HECTD4: variants seen among roughly 807,000 people sequenced by gnomAD.
The protein encoded by HECTD4 is HECT domain E3 ubiquitin protein ligase 4, also known as probable E3 ubiquitin-protein ligase HECTD4.
In HECTD4, 114 loss-of-function variants were observed where a neutral mutation model predicts 471.5. The observed-to-expected ratio is 0.24, with a 90% CI of 0.21 to 0.28. HECTD4 has a LOEUF of 0.28. HECTD4 is among the 10% of genes least tolerant of loss of function. The probability of loss-of-function intolerance (pLI) is 1.00; values close to 1 mark genes in which losing one functional copy is unlikely to be tolerated. For missense variants in HECTD4, 3,866 were observed against 5,651.5 expected (o/e 0.68, Z 10.13); for synonymous variants, 2,012 against 2,256.0 (o/e 0.89, Z 3.07).
chr12:112,309,703 A>G (rs936726383), intron 4 of HECTD4, 34 bp from the exon 5 acceptor site: 1 of 993,312 alleles, frequency 1.0e-6, no homozygotes, highest in Non-Finnish European at 1.5e-6. Flanking sequence ...AATTATATAT[A>G]TGTTTTTTCT....
chr12:112,199,686 C>T (rs1294129579), intron 55 of HECTD4, among the ~76,000 whole-genome samples: 1 of 152,198 alleles, frequency 6.6e-6, no homozygotes, highest in East Asian at 1.9e-4. Context: ...TTTCAGCCCA[C>T]TGAGGGCAGG....
Position 112,162,764 on chromosome 12 carries a change from G to A in HECTD4, c.13121-241C>T. ...GATGGGTTTGTCTGCCCAGCAAATT[G>A]TTTCTTTTTTTTTTTTTTTAACCAT... On this transcript the variant is annotated intron_variant, in intron 75 of 75. Coordinates refer to ENST00000682272, the MANE Select transcript of HECTD4 (RefSeq NM_001388303.1). This position sits in a 1 kb window ranked among gnomAD's most constrained non-coding sequence, Gnocchi z 5.2. 4 of 524,616 alleles carry A rather than the reference G, an allele frequency of 7.6e-6. No homozygotes were observed. Among genetic ancestry groups the A allele is most frequent in the Non-Finnish European group, 1.3e-5 (4 of 301,356 alleles). The allele number at this position is 524,616 out of a possible 1,614,324, so 32.5% of individuals were successfully genotyped here. A position where few individuals can be genotyped will look rare whatever the true frequency, so the allele number is the denominator to read the frequency against.
intron 55 of HECTD4, among the ~76,000 whole-genome samples, chr12:112,199,024 G>T (rs1036746045): frequency 2.0e-5 from 3 of 152,178 alleles, no homozygotes; most frequent in African/African-American, 4.8e-5. Context: ...AGCCATGCCT[G>T]TGGAGTATTC....
At chr12:112,380,350 C>T (rs1288111402) in intron 1 of HECTD4, among the ~76,000 whole-genome samples, 2 of 151,920 alleles carry the variant, frequency 1.3e-5, no homozygotes, top group Admixed American at 6.6e-5. Context: ...GAGGCAGAGG[C>T]AGGAGAATCG....
At chr12:112,260,649 T>TC (rs1398428405) in intron 18 of HECTD4, among the ~76,000 whole-genome samples, 2 of 151,526 alleles carry the variant, frequency 1.3e-5, no homozygotes, top group Non-Finnish European at 2.9e-5. Flanking sequence ...TGATCTCGGC[T>TC]CACTGCAAGC....
At chr12:112,322,345 T>C (rs1268324111) in intron 1 of HECTD4, 1 of 151,760 alleles carries the variant, frequency 6.6e-6, no homozygotes, top group Non-Finnish European at 1.5e-5. Context: ...CACTCCAGCC[T>C]GGGTGACAGG....
rs1339912817 is a variant in HECTD4, at chr12:112,167,522, G to A, written c.12329C>T (p.Thr4110Ile). The A allele has an allele frequency of 1.3e-6, 2 of 1,599,544 alleles. No individual in the cohort carries two copies. Among genetic ancestry groups the A allele is most frequent in the Non-Finnish European group, 1.7e-6 (2 of 1,171,356 alleles). Residue 4110 changes from threonine to isoleucine, a missense_variant, in exon 72 of 76, where the codon ACC (threonine) becomes ATC (isoleucine). Coordinates refer to ENST00000682272, the MANE Select transcript of HECTD4 (RefSeq NM_001388303.1). ...CTCCCCGTAGGTGATGGGGCTCGGG[G>A]TCAGGATATACTTGCCCTGGAAGTG... ...VNKNKGKYILTPSPITYGEEQ... is the reference protein window; with the variant it reads ...VNKNKGKYILIPSPITYGEEQ...
At chr12:112,209,235 T>A (rs1313398209) in intron 50 of HECTD4, among the ~76,000 whole-genome samples, 2 of 152,106 alleles carry the variant, frequency 1.3e-5, no homozygotes, top group East Asian at 1.9e-4. Flanking sequence ...CAAACTAGTA[T>A]CCAATGGGCC....
At chr12:112,234,809 A>G (rs2033462561) in intron 37 of HECTD4, among the ~76,000 whole-genome samples, 1 of 152,180 alleles carries the variant, frequency 6.6e-6, no homozygotes, top group South Asian at 2.1e-4. Context: ...CATCGTCCAC[A>G]TGGCTTTAGC....
At chr12:112,171,010 A>G (rs1470414013) in intron 68 of HECTD4, 107 bp downstream of exon 68, 19 of 928,656 alleles carry the variant, frequency 2.0e-5, no homozygotes, top group Non-Finnish European at 2.5e-5. Context: ...GTGGGGTGGC[A>G]TCTTCCTGGC....
At chr12:112,197,245 G>C (rs2032274406) in intron 55 of HECTD4, among the ~76,000 whole-genome samples, 1 of 152,118 alleles carries the variant, frequency 6.6e-6, no homozygotes, top group African/African-American at 2.4e-5. Context: ...TGCAGCCCTG[G>C]TTTGGACACT....
rs1254169109 is a variant in HECTD4 at position 112,213,704 on chromosome 12, A to ATC, written c.7466-1055_7466-1054insGA. Among the ~76,000 whole-genome samples, 3 of 145,354 alleles carry ATC rather than the reference A, an allele frequency of 2.1e-5. No individual in the cohort carries two copies. The highest frequency in any genetic ancestry group is 7.5e-5 in the African/African-American group (3 of 39,762). ...CCGTCTCAAAAAAATATATACATAT[A>ATC]TATATATATATATATAATATATATA... On this transcript the variant is annotated intron_variant, in intron 48 of 75. Coordinates refer to ENST00000682272, the MANE Select transcript of HECTD4 (RefSeq NM_001388303.1). This position sits in a 1 kb window ranked among gnomAD's most constrained non-coding sequence, Gnocchi z 4.0.
Position 112,274,993 on chromosome 12 carries a change from C to T in HECTD4, c.1688-33G>A, listed in dbSNP as rs547678580. On this transcript the variant is annotated intron_variant, in intron 9 of 75. Coordinates refer to ENST00000682272, the MANE Select transcript of HECTD4 (RefSeq NM_001388303.1). Reference sequence around the variant, plus strand: ...AACAAACATTAAGCTGTTTAATGAGCCTGAAGATTATTTTTAAAGTTTAAA... The same window carrying T: ...AACAAACATTAAGCTGTTTAATGAGTCTGAAGATTATTTTTAAAGTTTAAA... 1.0e-3 allele frequency: 1,245 copies of T among 1,220,444 alleles called. 27 individuals carry two copies. The South Asian group carries it at 0.016, about 16-fold the overall frequency. 75.6% of individuals were successfully genotyped at this position (1,220,444 alleles called of 1,614,324 possible). A position where few individuals can be genotyped will look rare whatever the true frequency, so the allele number is the denominator to read the frequency against.
At chr12:112,175,881 G>A (rs1293122484) in intron 65 of HECTD4, 22 bp from the exon 66 acceptor site, 2 of 1,612,096 alleles carry the variant, frequency 1.2e-6, no homozygotes, top group Non-Finnish European at 1.7e-6. Context: ...GGTTCAGTGT[G>A]AGGAATCTGG....
In HECTD4 at chr12:112,244,975, A is replaced by C. The variant is rs536107645; in HGVS notation, c.4514-966T>G. ...ATGTTGAGAAAGTGCAGGAAAAAAAACATTTTGTTTTATTTTTCTAAAATT... is the reference window on the plus strand; with the variant it reads ...ATGTTGAGAAAGTGCAGGAAAAAAACCATTTTGTTTTATTTTTCTAAAATT... On this transcript the variant is annotated intron_variant, in intron 29 of 75. Transcript: ENST00000682272. Among the ~76,000 whole-genome samples, 19 of 152,268 alleles carry C rather than the reference A, an allele frequency of 1.2e-4. No individual in the cohort carries two copies. The South Asian group carries it at 2.7e-3, about 22-fold the overall frequency.
Position 112,193,718 on chromosome 12 carries a change from C to T in HECTD4, c.8750-44G>A, listed in dbSNP as rs760464350. On this transcript the variant is annotated intron_variant, in intron 56 of 75. Coordinates refer to ENST00000682272, the MANE Select transcript of HECTD4 (RefSeq NM_001388303.1). The surrounding 1 kb of genome is among the most constrained non-coding windows in gnomAD (Gnocchi z 5.2). ...CAGAAGTTGACAAGAATCAAAGCAG[C>T]CAGTAGCTGTGAGAGTCTAAGTAAC... The T allele has an allele frequency of 9.7e-6, 15 of 1,544,330 alleles. No individual in the cohort carries two copies. The East Asian group carries it at 3.3e-4, about 34-fold the overall frequency.
intron 70 of HECTD4, among the ~76,000 whole-genome samples, chr12:112,168,579 G>A (rs955038899): frequency 1.3e-5 from 2 of 152,186 alleles, no homozygotes; most frequent in African/African-American, 2.4e-5. Flanking sequence ...AGAGCCATGT[G>A]GAAACCCAGT....
At chr12:112,183,410 C>T in intron 61 of HECTD4, 144 bp from the exon 62 acceptor site, 1 of 676,286 alleles carries the variant, frequency 1.5e-6, no homozygotes, top group Non-Finnish European at 2.5e-6. Context: ...TGAGCTGGAC[C>T]TCCTGGGAAA....
intron 32 of HECTD4, among the ~76,000 whole-genome samples, chr12:112,241,008 G>A (rs189580529): frequency 2.0e-5 from 3 of 152,256 alleles, no homozygotes; most frequent in African/African-American, 7.2e-5. Flanking sequence ...CTAACCTAAT[G>A]TTCAAAAATA....
Sources: gnomAD v4.1 joint callset for allele counts (sites outside exome capture counted in the v4.1 genomes callset) on GRCh38, gnomAD v4.1.1 for gene constraint, Gnocchi (gnomAD v3.1) non-coding constraint, MANE v1.5 for transcripts, NCBI Gene and HGNC (gene_info 2026-07-23, HGNC 2026-07-21) for gene names.